The following JAK2 variants were observed in gnomAD, a reference collection of about 807,000 sequenced individuals.
JAK2 encodes the protein tyrosine-protein kinase JAK2.
JAK2 carries 86 observed loss-of-function variants against 139.3 expected under a neutral mutation model. The ratio of observed to expected loss-of-function variants is 0.62; its 90% CI spans 0.52 to 0.74. The LOEUF is 0.74. JAK2 is among the 30% of genes least tolerant of loss of function. JAK2 has a pLI of 0.00. For missense variants in JAK2, 1,421 were observed against 1,360.3 expected (o/e 1.04, Z -0.70); for synonymous variants, 490 against 437.7 (o/e 1.12, Z -1.49).
intron 22 of JAK2, chr9:5,099,696 A>G (rs1190409566): frequency 6.6e-6 from 1 of 152,210 alleles, no homozygotes; most frequent in African/African-American, 2.4e-5. Flanking sequence ...CTATTCAACG[A>G]TGATTAATCC....
rs1222753170 is a variant in JAK2 at position 5,128,002 on chromosome 9, A to C, written c.*1211A>C. The C allele has an allele frequency of 1.3e-5, 3 of 231,668 alleles. No homozygotes were observed. Among genetic ancestry groups the C allele is most frequent in the African/African-American group, 6.7e-5 (3 of 45,084 alleles). 14.4% of individuals were successfully genotyped at this position (231,668 alleles called of 1,614,324 possible). A position where few individuals can be genotyped will look rare whatever the true frequency, so the allele number is the denominator to read the frequency against. On this transcript the variant is annotated 3_prime_UTR_variant, in exon 25 of 25. Coordinates refer to ENST00000381652, the MANE Select transcript of JAK2 (RefSeq NM_004972.4). ...TCTTAAATCTTTTCAATTAAGTATA[A>C]GGGGTTGTTCGTTGTTGTCATTTGT... is the stretch of plus-strand genomic sequence containing the variant.
intron 4 of JAK2, chr9:5,041,022 G>C (rs1232361093): frequency 1.3e-5 from 9 of 668,282 alleles, no homozygotes; most frequent in Admixed American, 2.1e-5. Context: ...AGCTGCACCT[G>C]GGTACCGGTT....
At chr9:5,009,294 G>A (rs1231125815) in intron 2 of JAK2, among the ~76,000 whole-genome samples, 1 of 152,080 alleles carries the variant, frequency 6.6e-6, no homozygotes, top group East Asian at 1.9e-4. Context: ...GAAAAATACT[G>A]CTTCATGATA....
intron 2 of JAK2, among the ~76,000 whole-genome samples, chr9:5,016,293 T>C (rs1217650291): frequency 6.6e-6 from 1 of 152,178 alleles, no homozygotes; most frequent in Non-Finnish European, 1.5e-5. Context: ...GGCAGGAATT[T>C]TAACCTGCTG....
At chr9:5,106,922 C>A (rs1168023201) in intron 22 of JAK2, among the ~76,000 whole-genome samples, 1 of 152,064 alleles carries the variant, frequency 6.6e-6, no homozygotes, top group Middle Eastern at 3.2e-3. Flanking sequence ...AGGAGAAATA[C>A]CTAATGTAAA....
Position 5,085,936 on chromosome 9 carries a change from C to T in JAK2, c.2572-3738C>T, listed in dbSNP as rs540622280. 9.0e-6 allele frequency: 10 copies of T among 1,112,044 alleles called. No homozygotes were observed. In the African/African-American group the frequency reaches 1.1e-4, roughly 12 times the overall value. 68.9% of individuals were successfully genotyped at this position (1,112,044 alleles called of 1,614,324 possible). A position where few individuals can be genotyped will look rare whatever the true frequency, so the allele number is the denominator to read the frequency against. ...TACAGACCTTTCAAGTCTCTCCAAC[C>T]GAGTTTGAAAGGATCGGTGTATTTC... On this transcript the variant is annotated intron_variant, in intron 19 of 24. Coordinates refer to ENST00000381652, the MANE Select transcript of JAK2 (RefSeq NM_004972.4).
chr9:5,104,730 C>G (rs1586802840), intron 22 of JAK2, among the ~76,000 whole-genome samples: 1 of 152,176 alleles, frequency 6.6e-6, no homozygotes, highest in African/African-American at 2.4e-5. Context: ...CGGCTTCATC[C>G]CTAGGATGCA....
At chr9:5,012,014 A>G (rs1168325256) in intron 2 of JAK2, among the ~76,000 whole-genome samples, 1 of 152,210 alleles carries the variant, frequency 6.6e-6, no homozygotes, top group Non-Finnish European at 1.5e-5. Context: ...TCAGATTTCT[A>G]GCTATTGCCT....
chr9:5,096,448 A>T (rs1375939968), intron 22 of JAK2, among the ~76,000 whole-genome samples: 1 of 152,178 alleles, frequency 6.6e-6, no homozygotes, highest in African/African-American at 2.4e-5. Context: ...AATTTAGTTA[A>T]CAGCTAAATA....
In JAK2 at chr9:5,080,217, A is replaced by G. The variant is rs928063758; in HGVS notation, c.2132-12A>G. The G allele has an allele frequency of 1.3e-6, 2 of 1,599,114 alleles. No individual in the cohort carries two copies. Among genetic ancestry groups the G allele is most frequent in the Non-Finnish European group, 1.7e-6 (2 of 1,169,390 alleles). ...AATTATTTAACCCTACTCTGTTCGT[A>G]TCATTTAAAAGTTCTTCAGGAGAGA... On this transcript the variant is annotated splice_polypyrimidine_tract_variant and intron_variant, in intron 16 of 24. Coordinates refer to ENST00000381652, the MANE Select transcript of JAK2 (RefSeq NM_004972.4).
chr9:5,111,845 C>T, intron 22 of JAK2: 1 of 400,302 alleles, frequency 2.5e-6, no homozygotes, highest in Non-Finnish European at 4.9e-6. Context: ...GTCGGCGGGG[C>T]CGACAACCTC....
chr9:5,066,765 A>G lies in JAK2; in HGVS notation c.1302A>G (p.Lys434=), dbSNP rs1465086393. The G allele has an allele frequency of 7.1e-6, 11 of 1,560,194 alleles. No homozygotes were observed. Among genetic ancestry groups the G allele is most frequent in the South Asian group, 1.2e-5 (1 of 82,974 alleles). The part of the protein sequence containing the change: ...VLRCSPKDFN[K]YFLTFAVERE... ...GATGCAGTCCTAAGGACTTTAATAA[A>G]TATTTTTTGACTTTTGCTGTCGAGG... Residue 434 remains lysine (K), a synonymous_variant, in exon 10 of 25, where the codon AAA becomes AAG. Coordinates refer to ENST00000381652, the MANE Select transcript of JAK2 (RefSeq NM_004972.4).
chr9:5,021,051 T>G (rs1484272581), intron 2 of JAK2, among the ~76,000 whole-genome samples: 1 of 152,108 alleles, frequency 6.6e-6, no homozygotes, highest in African/African-American at 2.4e-5. Context: ...CTCTCTTGTG[T>G]CTGGGATTGC....
At chr9:5,080,819 G>A (rs1819637436) in intron 18 of JAK2, 136 bp downstream of exon 18, 2 of 530,564 alleles carry the variant, frequency 3.8e-6, no homozygotes, top group Non-Finnish European at 6.3e-6. Context: ...ATGTTCATAT[G>A]GCTTTTCATG....
At chr9:5,032,477 C>A (rs766053861) in intron 4 of JAK2, among the ~76,000 whole-genome samples, 1 of 152,238 alleles carries the variant, frequency 6.6e-6, no homozygotes. Context: ...CCCGAGTAGC[C>A]TAACTGGGAG....
At position 5,090,815 on chromosome 9, in the gene JAK2, A is replaced by T; in HGVS notation, c.2963A>T (p.Asn988Ile). The T allele has an allele frequency of 6.2e-7, 1 of 1,613,604 alleles. No individual in the cohort carries two copies. ...ATRNILVENE[N>I]RVKIGDFGLT... is the part of the protein sequence containing the mutation. ...AGAAATATATTGGTGGAGAACGAGA[A>T]CAGAGTTAAAATTGGAGATTTTGGG... is the stretch of plus-strand genomic sequence containing the variant. Residue 988 changes from asparagine (N) to isoleucine (I), a missense_variant, in exon 22 of 25, where the codon AAC (asparagine) becomes ATC (isoleucine). By Grantham distance (149) the Asn-to-Ile change is moderately radical. Coordinates refer to ENST00000381652, the MANE Select transcript of JAK2 (RefSeq NM_004972.4).
intron 2 of JAK2, among the ~76,000 whole-genome samples, chr9:5,004,998 C>CCTTG (rs1191675785): frequency 6.8e-6 from 1 of 147,418 alleles, no homozygotes; most frequent in African/African-American, 2.5e-5. Context: ...CTCACTGCAG[C>CCTTG]CTTGACCTCC....
chr9:5,085,059 A>T (rs1819974143), intron 19 of JAK2: 1 of 715,494 alleles, frequency 1.4e-6, no homozygotes, highest in South Asian at 1.3e-5. Flanking sequence ...TGGGGATGAG[A>T]AGTTTACTGC....
At chr9:5,082,701 C>T (rs542648442) in intron 19 of JAK2, among the ~76,000 whole-genome samples, 10 of 152,366 alleles carry the variant, frequency 6.6e-5, no homozygotes, top group Admixed American at 1.3e-4. Flanking sequence ...GAGGTCCCTG[C>T]GGCTTTCCGC....
Sources: gnomAD v4.1 joint callset for allele counts (sites outside exome capture counted in the v4.1 genomes callset) on GRCh38, gnomAD v4.1.1 for gene constraint, MANE v1.5 for transcripts, NCBI Gene and HGNC (gene_info 2026-07-23, HGNC 2026-07-21) for gene names.